CACNA2D3: variants seen among roughly 807,000 people sequenced by gnomAD.
CACNA2D3 encodes the protein voltage-dependent calcium channel subunit alpha-2/delta-3.
CACNA2D3 carries 60 observed loss-of-function variants against 160.6 expected under a neutral mutation model. The ratio of observed to expected loss-of-function variants is 0.37; its 90% CI spans 0.30 to 0.46. The LOEUF (loss-of-function observed/expected upper bound fraction) is 0.46. Among genes scored for constraint, CACNA2D3 ranks in the 20% least tolerant of loss-of-function variants. The probability of loss-of-function intolerance (pLI) is 1.00; values close to 1 mark genes in which losing one functional copy is unlikely to be tolerated. For synonymous variants in CACNA2D3, 558 were observed against 492.9 expected (o/e 1.13, Z -1.75); for missense variants, 1,205 against 1,365.0 (o/e 0.88, Z 1.85).
intron 4 of CACNA2D3, among the ~76,000 whole-genome samples, chr3:54,497,182 G>A (rs6445675): frequency 0.97 from 146,849 of 152,152 alleles, 70,997 homozygotes; most frequent in Non-Finnish European, 0.99. Flanking sequence ...CATTGAATTT[G>A]TAGATCACTT....
intron 3 of CACNA2D3, among the ~76,000 whole-genome samples, chr3:54,378,955 A>G (rs967476523): frequency 7.2e-5 from 11 of 152,226 alleles, no homozygotes; most frequent in Non-Finnish European, 1.0e-4. Context: ...CCTCAAATTG[A>G]TAACAGGTAT....
chr3:54,756,109 A>G (rs187737412), intron 12 of CACNA2D3, among the ~76,000 whole-genome samples: 93 of 152,342 alleles, frequency 6.1e-4, no homozygotes, highest in Admixed American at 1.1e-3. Context: ...TTCTGAGTAC[A>G]GCAGTGCAGA....
In CACNA2D3 at chr3:54,716,022, A is replaced by G. The variant is rs564167107; in HGVS notation, c.1168-36577A>G. On this transcript the variant is annotated intron_variant, in intron 11 of 37. Transcript: ENST00000474759. ...TGTGTTAATTAATTTGATTGTAATAATCATTACAACATGTATATGTATATC... is the reference window on the plus strand; with the variant it reads ...TGTGTTAATTAATTTGATTGTAATAGTCATTACAACATGTATATGTATATC... Among the ~76,000 whole-genome samples, 217 of 151,852 alleles carry G rather than the reference A, an allele frequency of 1.4e-3. 3 individuals are homozygous for G. In the Middle Eastern group the frequency reaches 0.024, roughly 17 times the overall value.
chr3:54,235,507 CTCAT>C (rs1230954074), intron 2 of CACNA2D3, among the ~76,000 whole-genome samples: 1 of 152,176 alleles, frequency 6.6e-6, no homozygotes, highest in Non-Finnish European at 1.5e-5. Context: ...TGAGCACTCA[CTCAT>C]TGTCACAAGA....
At chr3:54,823,290 A>G (rs550332002) in intron 14 of CACNA2D3, among the ~76,000 whole-genome samples, 1 of 152,308 alleles carries the variant, frequency 6.6e-6, no homozygotes, top group East Asian at 1.9e-4. Context: ...TGACGTGTTC[A>G]TGTACTATTT....
chr3:54,641,134 G>A (rs989264887), intron 10 of CACNA2D3, among the ~76,000 whole-genome samples: 1 of 152,164 alleles, frequency 6.6e-6, no homozygotes. Context: ...GCAGCCTCAA[G>A]GGGTCCTGAG....
chr3:54,481,944 T>A (rs1358186958), intron 4 of CACNA2D3, among the ~76,000 whole-genome samples: 1 of 152,238 alleles, frequency 6.6e-6, no homozygotes, highest in Non-Finnish European at 1.5e-5. Context: ...AATGACTTCT[T>A]CCTTTTGAAC....
intron 2 of CACNA2D3, among the ~76,000 whole-genome samples, chr3:54,264,309 C>T (rs1209438172): frequency 6.6e-6 from 1 of 152,168 alleles, no homozygotes; most frequent in African/African-American, 2.4e-5. Context: ...GAAAGGTTCT[C>T]TTATATTGAA....
At chr3:54,252,151 T>C (rs1702204457) in intron 2 of CACNA2D3, among the ~76,000 whole-genome samples, 1 of 147,906 alleles carries the variant, frequency 6.8e-6, no homozygotes, top group Admixed American at 6.8e-5. Context: ...CCCTTTGTAC[T>C]GGTTTGCTAA....
rs772271920 is a variant in CACNA2D3, at chr3:54,828,034, G to A, written c.1399-9125G>A. ...ATGGTATCTTTGGTTGTAGAATAAA[G>A]ATGATTATCTTTGTAGTGAAGTTTG... is the stretch of plus-strand genomic sequence containing the variant. On this transcript the variant is annotated intron_variant, in intron 14 of 37. Coordinates refer to ENST00000474759, the MANE Select transcript of CACNA2D3 (RefSeq NM_018398.3). Among the ~76,000 whole-genome samples, 77 of 152,202 alleles carry A rather than the reference G, an allele frequency of 5.1e-4. 1 individual carries two copies. The highest frequency in any genetic ancestry group is 3.3e-3 in the Admixed American group (50 of 15,280).
intron 4 of CACNA2D3, among the ~76,000 whole-genome samples, chr3:54,430,970 A>C (rs1446680062): frequency 6.6e-6 from 1 of 152,170 alleles, no homozygotes; most frequent in Admixed American, 6.6e-5. Context: ...CGATTAACAC[A>C]TATTTTGTGT....
intron 3 of CACNA2D3, among the ~76,000 whole-genome samples, chr3:54,346,763 G>A (rs898735620): frequency 7.9e-5 from 12 of 152,168 alleles, no homozygotes; most frequent in South Asian, 6.2e-4. Flanking sequence ...TAACAAGTGT[G>A]TAATGTCCTG....
chr3:54,999,439 T>C (rs1473901052), intron 31 of CACNA2D3, among the ~76,000 whole-genome samples: 7 of 152,228 alleles, frequency 4.6e-5, no homozygotes, highest in Non-Finnish European at 8.8e-5. Context: ...GACATATTTT[T>C]ACATGCTACC....
chr3:54,263,340 A>C (rs987626846), intron 2 of CACNA2D3, among the ~76,000 whole-genome samples: 5 of 152,214 alleles, frequency 3.3e-5, no homozygotes, highest in African/African-American at 1.2e-4. Flanking sequence ...TTAAGTGCTT[A>C]ATGTTTGCCA....
chr3:54,957,602 T>C (rs1384157490), intron 27 of CACNA2D3, among the ~76,000 whole-genome samples: 1 of 152,120 alleles, frequency 6.6e-6, no homozygotes, highest in African/African-American at 2.4e-5. Flanking sequence ...CTGGTGTGTG[T>C]GTTAGGGAGG....
intron 4 of CACNA2D3, among the ~76,000 whole-genome samples, chr3:54,460,290 G>GT: frequency 6.6e-6 from 1 of 152,168 alleles, no homozygotes; most frequent in East Asian, 1.9e-4. Context: ...CTTTAAAGTA[G>GT]TTTTTTTCCA....
chr3:54,936,900 A>G (rs889512035), intron 27 of CACNA2D3, among the ~76,000 whole-genome samples: 4 of 152,136 alleles, frequency 2.6e-5, no homozygotes, highest in African/African-American at 9.7e-5. Context: ...TGAGGAGAAA[A>G]TAAACTCCGT....
intron 2 of CACNA2D3, among the ~76,000 whole-genome samples, chr3:54,298,225 G>T (rs1177825397): frequency 6.6e-6 from 1 of 152,150 alleles, no homozygotes; most frequent in Admixed American, 6.5e-5. Context: ...TAGAAAGACG[G>T]ACCTCTACAC....
chr3:54,785,563 A>G (rs1702623633), intron 13 of CACNA2D3, among the ~76,000 whole-genome samples: 1 of 152,176 alleles, frequency 6.6e-6, no homozygotes, highest in African/African-American at 2.4e-5. Flanking sequence ...CTTTTGTTGT[A>G]AATTGCTTCT....
Sources: gnomAD v4.1 joint callset for allele counts (sites outside exome capture counted in the v4.1 genomes callset) on GRCh38, gnomAD v4.1.1 for gene constraint, MANE v1.5 for transcripts, NCBI Gene and HGNC (gene_info 2026-07-23, HGNC 2026-07-21) for gene names.